The following ZFC3H1 variants were observed in gnomAD, a reference collection of about 807,000 sequenced individuals.
ZFC3H1 encodes the protein zinc finger C3H1-type containing, also known as zinc finger C3H1 domain-containing protein.
A neutral mutation model predicts 243.7 loss-of-function variants in ZFC3H1; 71 were observed. The ratio of observed to expected loss-of-function variants is 0.29; its 90% CI spans 0.24 to 0.36. ZFC3H1 has a LOEUF of 0.36. Ranked by LOEUF, ZFC3H1 falls within the 10% of genes least tolerant of loss-of-function variation. ZFC3H1 has a pLI of 1.00. For synonymous variants in ZFC3H1, 838 were observed against 813.0 expected (o/e 1.03, Z -0.52); for missense variants, 1,966 against 2,317.1 (o/e 0.85, Z 3.11).
At chr12:71,611,313 AC>A (rs1592580497) in intron 32 of ZFC3H1, 1 of 370,136 alleles carries the variant, frequency 2.7e-6, no homozygotes, top group Non-Finnish European at 4.6e-6. Flanking sequence ...AAAAAAGCAG[AC>A]CAGTGTTTTG....
rs964201091 is a variant in ZFC3H1 at position 71,610,523 on chromosome 12, G to C, written c.5875C>G (p.Leu1959Val). Residue 1959 changes from leucine to valine, a missense_variant, in exon 35 of 35, where the codon CTG (leucine) becomes GTG (valine). Transcript: ENST00000378743. ...EASEGGKTDN[L>V]RKLVSKCQEI... ...TGGCACTTGGAAACTAGTTTTCTCA[G>C]GTTATCAGTTTTACCTCCTTCTGAT... The C allele has an allele frequency of 1.9e-6, 3 of 1,613,614 alleles. No homozygotes were observed. The African/African-American group carries it at 4.0e-5, about 22-fold the overall frequency.
chr12:71,658,609 C>G (rs1188952795), intron 1 of ZFC3H1, among the ~76,000 whole-genome samples: 2 of 151,940 alleles, frequency 1.3e-5, no homozygotes, highest in Non-Finnish European at 2.9e-5. Flanking sequence ...TTTCAGTTGG[C>G]TAGGATGTAA....
At chr12:71,626,693 T>C (rs1203603828) in intron 21 of ZFC3H1, among the ~76,000 whole-genome samples, 1 of 152,204 alleles carries the variant, frequency 6.6e-6, no homozygotes, top group East Asian at 1.9e-4. Context: ...CAGATAAAAG[T>C]ACAGTGTTAT....
chr12:71,647,922 G>A (rs997078716), intron 2 of ZFC3H1, 109 bp from the exon 3 acceptor site: 6 of 423,484 alleles, frequency 1.4e-5, no homozygotes, highest in African/African-American at 1.2e-4. Flanking sequence ...TCATTAAAGG[G>A]TCTCATTTTC....
In ZFC3H1 at chr12:71,639,366, C is replaced by T. The variant is rs534817056; in HGVS notation, c.1628-851G>A. 279 of 210,288 alleles carry T rather than the reference C, an allele frequency of 1.3e-3. 1 individual carries two copies. The highest frequency in any genetic ancestry group is 5.1e-3 in the African/African-American group (218 of 42,420). The allele number at this position is 210,288 out of a possible 1,614,324, so 13.0% of individuals were successfully genotyped here. A position where few individuals can be genotyped will look rare whatever the true frequency, so the allele number is the denominator to read the frequency against. On this transcript the variant is annotated intron_variant, in intron 6 of 34. Transcript: ENST00000378743. ...CTAATCTTTGGAACATTTTACATAG[C>T]GCTGCAGATGTGGCTGCTGTGTCAC...
At position 71,636,650 on chromosome 12, in the gene ZFC3H1, G is replaced by A. The variant is rs1001691300; in HGVS notation, c.1940C>T (p.Thr647Ile). ...TGAAGGTGGGTCACTATTACTGGAT[G>A]TTTCCTACATAAGGAAGAGAAAGAC... ...ANKRAFKPEE[T>I]SSNSDPPSPP... The change falls in exon 9 of 35, where the codon ACA becomes ATA. Residue 647 changes from threonine (T) to isoleucine (I), a missense_variant. Physicochemically the swap from Thr to Ile is moderately conservative, Grantham distance 89. This residue lies in a region of ZFC3H1 where 1,383 missense variants were observed against 1,723.7 expected (regional missense o/e 0.80). Transcript: ENST00000378743. 13 of 1,604,356 alleles carry A rather than the reference G, an allele frequency of 8.1e-6. No individual in the cohort carries two copies. In the Admixed American group the frequency reaches 1.4e-4, roughly 17 times the overall value.
rs773263193 is a variant in ZFC3H1, at chr12:71,636,444, T to C, written c.2100+46A>G. On this transcript the variant is annotated intron_variant, in intron 9 of 34. Coordinates refer to ENST00000378743, the MANE Select transcript of ZFC3H1 (RefSeq NM_144982.5). ...AGGACAGCTAAACTTCATAGAAATT[T>C]ATCATAACTGTTTGAATAAAAGTAG... 15 of 1,550,244 alleles carry C rather than the reference T, an allele frequency of 9.7e-6. No individual in the cohort carries two copies. The African/African-American group carries it at 1.8e-4, about 19-fold the overall frequency.
chr12:71,624,912 A>C (rs1291605100), intron 22 of ZFC3H1, among the ~76,000 whole-genome samples: 1 of 152,240 alleles, frequency 6.6e-6, no homozygotes, highest in Non-Finnish European at 1.5e-5. Flanking sequence ...GGTTGCAGTG[A>C]GCCAACATCA....
rs370735096 is a variant in ZFC3H1 at position 71,629,004 on chromosome 12, T to G, written c.3860A>C (p.Lys1287Thr). ...PPFTTYKDKR[K>T]WKPKFWRKPI... is the part of the protein sequence containing the mutation. The stretch of plus-strand genomic sequence containing the variant: ...TTTTCTCCAAAACTTTGGCTTCCAC[T>G]TTCTTTTATCTTTGTAGGTTGTAAA... Residue 1287 changes from lysine (K) to threonine (T), a missense_variant, in exon 20 of 35, where the codon AAG (lysine) becomes ACG (threonine). This residue lies in a region of ZFC3H1 where 1,383 missense variants were observed against 1,723.7 expected (regional missense o/e 0.80). Transcript: ENST00000378743. The G allele has an allele frequency of 1.5e-4, 237 of 1,613,088 alleles. No individual in the cohort carries two copies. The highest frequency in any genetic ancestry group is 1.8e-4 in the Non-Finnish European group (218 of 1,179,732).
chr12:71,657,570 C>T (rs1881053191), intron 1 of ZFC3H1, among the ~76,000 whole-genome samples: 1 of 152,158 alleles, frequency 6.6e-6, no homozygotes, highest in African/African-American at 2.4e-5. Flanking sequence ...ACAGACAGTC[C>T]ACCTAGTTAG....
At chr12:71,649,591 T>C (rs1034952392) in intron 2 of ZFC3H1, among the ~76,000 whole-genome samples, 21 of 152,248 alleles carry the variant, frequency 1.4e-4, no homozygotes, top group Non-Finnish European at 2.5e-4. Context: ...ATTGTTTTTA[T>C]TGCATAATTT....
intron 8 of ZFC3H1, 75 bp downstream of exon 8, chr12:71,636,775 G>GTAAC: frequency 6.4e-7 from 1 of 1,570,014 alleles, no homozygotes; most frequent in Non-Finnish European, 8.6e-7. Context: ...TGATGCCCAA[G>GTAAC]TAACCAGAAA....
rs76131753 is a variant in ZFC3H1, at chr12:71,643,625, A to G, written c.1503+470T>C. Among the ~76,000 whole-genome samples, 688 of 152,326 alleles carry G rather than the reference A, an allele frequency of 4.5e-3. 6 individuals are homozygous for G. The highest frequency in any genetic ancestry group is 0.016 in the African/African-American group (654 of 41,564). On this transcript the variant is annotated intron_variant, in intron 5 of 34. Transcript: ENST00000378743. ...AAGACAAGACGACAAGTATATTTAT[A>G]TACATAGTAAATGTTCAACAAATGT...
intron 29 of ZFC3H1, 61 bp from the exon 30 acceptor site, chr12:71,614,761 A>G: frequency 6.3e-7 from 1 of 1,589,562 alleles, no homozygotes. Context: ...TCACCAAGAA[A>G]GCTGGTCACC....
chr12:71,618,900 T>A (rs890973296), intron 27 of ZFC3H1, among the ~76,000 whole-genome samples: 6 of 152,164 alleles, frequency 3.9e-5, no homozygotes, highest in Non-Finnish European at 7.3e-5. Flanking sequence ...AGAGCAGTTC[T>A]CTTCAGAATT....
chr12:71,638,792 G>A (rs970359495), intron 6 of ZFC3H1, among the ~76,000 whole-genome samples: 15 of 151,706 alleles, frequency 9.9e-5, no homozygotes, highest in Non-Finnish European at 1.8e-4. Context: ...AGGGAATAAA[G>A]CAGGAAAAGA....
In ZFC3H1 at chr12:71,663,705, G is replaced by A. The variant is rs981999204; in HGVS notation, c.-95C>T. 4.1e-4 allele frequency: 597 copies of A among 1,442,346 alleles called. 1 individual carries two copies. Among genetic ancestry groups the A allele is most frequent in the Non-Finnish European group, 4.2e-4 (444 of 1,062,910 alleles). 89.3% of individuals were successfully genotyped at this position (1,442,346 alleles called of 1,614,324 possible). ...CCCTTCTTTCCTAACGGACTGGGTCGGTGCGGTCTTACCCTACTCGGACAC... is the reference window on the plus strand; with the variant it reads ...CCCTTCTTTCCTAACGGACTGGGTCAGTGCGGTCTTACCCTACTCGGACAC... On this transcript the variant is annotated 5_prime_UTR_variant, in exon 1 of 35. Coordinates refer to ENST00000378743, the MANE Select transcript of ZFC3H1 (RefSeq NM_144982.5).
At chr12:71,634,569 T>G (rs949646436) in intron 11 of ZFC3H1, 135 bp downstream of exon 11, 11 of 1,094,162 alleles carry the variant, frequency 1.0e-5, no homozygotes, top group Admixed American at 3.0e-5. Context: ...CCATCTTCTG[T>G]GTGAGTTATA....
Position 71,620,332 on chromosome 12 carries a change from C to G in ZFC3H1, c.4745-17G>C. ...TCACTGCATCTACCCAAAAACATCA[C>G]AACAACATGAATCACGTCAATCATA... is the stretch of plus-strand genomic sequence containing the variant. On this transcript the variant is annotated splice_polypyrimidine_tract_variant and intron_variant, in intron 24 of 34. Transcript: ENST00000378743. The G allele has an allele frequency of 1.2e-6, 2 of 1,610,940 alleles. No individual in the cohort carries two copies. The highest frequency in any genetic ancestry group is 4.5e-5 in the East Asian group (2 of 44,844).
Sources: allele counts gnomAD v4.1 joint callset (sites outside exome capture counted in the v4.1 genomes callset), GRCh38; gene constraint gnomAD v4.1.1; regional missense constraint gnomAD v4.1.1; transcripts MANE v1.5; gene names NCBI Gene and HGNC (gene_info 2026-07-23, HGNC 2026-07-21).